RUNX1: variants seen among roughly 807,000 people sequenced by gnomAD.
RUNX1 encodes RUNX family transcription factor 1.
Under a neutral mutation model 42.8 loss-of-function variants are expected in RUNX1, and 19 were observed. The observed-to-expected ratio is 0.44, with a 90% CI of 0.31 to 0.65. RUNX1 has a LOEUF of 0.65. Among genes scored for constraint, RUNX1 ranks in the 30% least tolerant of loss-of-function variants. The pLI is 0.07. For missense variants in RUNX1, 528 were observed against 672.0 expected, an observed-to-expected ratio of 0.79 and a Z score of 2.37; for synonymous variants, 271 against 289.4, an observed-to-expected ratio of 0.94 and a Z score of 0.64.
chr21:34,887,257 G>GGGGGGGGGGGT, intron 3 of RUNX1, 161 bp from the exon 4 acceptor site: 3 of 1,309,544 alleles, frequency 2.3e-6, no homozygotes, highest in Admixed American at 2.9e-5. Context: ...GGGGGCGGGG[G>GGGGGGGGGGGT]TGGTTAGGGG....
chr21:34,828,792 AC>A (rs1407991640), intron 7 of RUNX1, among the ~76,000 whole-genome samples: 1 of 152,064 alleles, frequency 6.6e-6, no homozygotes, highest in Non-Finnish European at 1.5e-5. Context: ...CTGCCCTTCC[AC>A]CTATCTGCCA....
Position 35,016,834 on chromosome 21 carries a change from G to A in RUNX1, c.58+32008C>T, listed in dbSNP as rs180708808. On this transcript the variant is annotated intron_variant, in intron 2 of 8. Transcript: ENST00000675419. The stretch of plus-strand genomic sequence containing the variant: ...TCTACATTAGCCTACTGAAGAGCCT[G>A]TTGTATCAGAATCCGTAGAATCTCT... Among the ~76,000 whole-genome samples the A allele has an allele frequency of 1.2e-3, 183 of 152,142 alleles. 1 individual carries two copies. Among genetic ancestry groups the A allele is most frequent in the African/African-American group, 4.0e-3 (167 of 41,506 alleles).
At chr21:34,947,429 C>T (rs1301781615) in intron 2 of RUNX1, among the ~76,000 whole-genome samples, 1 of 152,174 alleles carries the variant, frequency 6.6e-6, no homozygotes, top group African/African-American at 2.4e-5. Context: ...CACCCACACG[C>T]ACACTCTTAC....
At chr21:34,987,903 A>G (rs545626331) in intron 2 of RUNX1, among the ~76,000 whole-genome samples, 1 of 152,310 alleles carries the variant, frequency 6.6e-6, no homozygotes, top group South Asian at 2.1e-4. Flanking sequence ...AGGCTGATGA[A>G]CAACTCCCAT....
At chr21:34,859,357 G>T in intron 6 of RUNX1, 117 bp downstream of exon 6, 1 of 875,812 alleles carries the variant, frequency 1.1e-6, no homozygotes, top group Non-Finnish European at 1.9e-6. Context: ...ACGGGGGCCT[G>T]ACATCCCCCT....
intron 2 of RUNX1, among the ~76,000 whole-genome samples, chr21:34,902,656 C>G (rs1187987612): frequency 3.9e-5 from 6 of 152,038 alleles, no homozygotes; most frequent in African/African-American, 2.4e-5. Flanking sequence ...AACATGAACC[C>G]CAATATATTT....
chr21:34,961,382 A>G (rs765857430), intron 2 of RUNX1, among the ~76,000 whole-genome samples: 43 of 151,882 alleles, frequency 2.8e-4, no homozygotes, highest in Non-Finnish European at 4.6e-4. Context: ...TAATGATAAT[A>G]ATAATAATAA....
chr21:34,823,377 T>G (rs16992395), intron 7 of RUNX1, among the ~76,000 whole-genome samples: 9,352 of 149,446 alleles, frequency 0.063, 843 homozygotes, highest in African/African-American at 0.2. Context: ...GTTCAGATTG[T>G]GTGGAAGAAC....
chr21:34,964,320 C>G (rs2058702661), intron 2 of RUNX1, among the ~76,000 whole-genome samples: 1 of 151,912 alleles, frequency 6.6e-6, no homozygotes, highest in African/African-American at 2.4e-5. Context: ...AACCCCATCT[C>G]TACTAAAAAT....
At chr21:34,980,072 C>T (rs1192366701) in intron 2 of RUNX1, among the ~76,000 whole-genome samples, 3 of 152,352 alleles carry the variant, frequency 2.0e-5, no homozygotes, top group African/African-American at 4.8e-5. Context: ...ATACATAAAG[C>T]GCTTATGTAT....
chr21:34,952,845 G>C (rs1240322717), intron 2 of RUNX1, among the ~76,000 whole-genome samples: 1 of 152,104 alleles, frequency 6.6e-6, no homozygotes, highest in African/African-American at 2.4e-5. Flanking sequence ...CACACCAGGA[G>C]GTATGTAGGT....
rs183183892 is a variant in RUNX1, at chr21:35,034,501, G to A, written c.58+14341C>T. Among the ~76,000 whole-genome samples, 71 of 152,250 alleles carry A rather than the reference G, an allele frequency of 4.7e-4. 2 individuals are homozygous for A. Among genetic ancestry groups the A allele is most frequent in the South Asian group, 1.9e-3 (9 of 4,818 alleles). ...TTGTGGGAAGCAGCAACAGTACCTC[G>A]GTTCCTAAGGTCTTTCTGGAGCTGT... On this transcript the variant is annotated intron_variant, in intron 2 of 8. Transcript: ENST00000675419.
At chr21:34,976,830 G>A (rs1468451622) in intron 2 of RUNX1, among the ~76,000 whole-genome samples, 1 of 151,702 alleles carries the variant, frequency 6.6e-6, no homozygotes, top group Non-Finnish European at 1.5e-5. Context: ...TTTTTGCTAC[G>A]CATTCTGCTA....
At chr21:35,003,175 A>G (rs1048331763) in intron 2 of RUNX1, among the ~76,000 whole-genome samples, 1 of 152,190 alleles carries the variant, frequency 6.6e-6, no homozygotes, top group Non-Finnish European at 1.5e-5. Flanking sequence ...ATCATTTCCC[A>G]GTCTGAAAAA....
chr21:35,000,245 T>C (rs2059030734), intron 2 of RUNX1, among the ~76,000 whole-genome samples: 1 of 144,742 alleles, frequency 6.9e-6, no homozygotes, highest in African/African-American at 2.6e-5. Context: ...TCTTTTTTTT[T>C]TTTTTTTTTT....
At chr21:34,876,468 G>A (rs1172614225) in intron 5 of RUNX1, among the ~76,000 whole-genome samples, 2 of 152,106 alleles carry the variant, frequency 1.3e-5, no homozygotes, top group Admixed American at 6.6e-5. Flanking sequence ...ACAAATTTTT[G>A]GCCTAGGGTC....
At position 34,789,758 on chromosome 21, in the gene RUNX1, C is replaced by A. The variant is rs1462936358; in HGVS notation, c.*2377G>T. The A allele has an allele frequency of 4.3e-6, 1 of 233,034 alleles. No homozygotes were observed. Among genetic ancestry groups the A allele is most frequent in the East Asian group, 6.0e-5 (1 of 16,584 alleles). 14.4% of individuals were successfully genotyped at this position (233,034 alleles called of 1,614,324 possible). A position where few individuals can be genotyped will look rare whatever the true frequency, so the allele number is the denominator to read the frequency against. Reference sequence around the variant, plus strand: ...CCAGTGAGCCTACAATAGTGACAAGCCCCCTCCACACATGGCTTTGAGAGT... The same window carrying A: ...CCAGTGAGCCTACAATAGTGACAAGACCCCTCCACACATGGCTTTGAGAGT... On this transcript the variant is annotated 3_prime_UTR_variant, in exon 9 of 9. Transcript: ENST00000675419.
rs868014298 is a variant in RUNX1, at chr21:34,791,844, C to G, written c.*291G>C. ...CTCCGGGAATCTTCCTGTTTGCTTT[C>G]CAGCGCGTCCCCTGGGTGCTGGGGC... On this transcript the variant is annotated 3_prime_UTR_variant, in exon 9 of 9. Transcript: ENST00000675419. 1 of 242,944 alleles carries G rather than the reference C, an allele frequency of 4.1e-6. No individual in the cohort carries two copies. The highest frequency in any genetic ancestry group is 2.2e-5 in the African/African-American group (1 of 44,892). 15.0% of individuals were successfully genotyped at this position (242,944 alleles called of 1,614,324 possible). A position where few individuals can be genotyped will look rare whatever the true frequency, so the allele number is the denominator to read the frequency against.
chr21:35,023,502 T>A (rs2059214137), intron 2 of RUNX1, among the ~76,000 whole-genome samples: 1 of 152,214 alleles, frequency 6.6e-6, no homozygotes, highest in South Asian at 2.1e-4. Flanking sequence ...GGCAGGGGGC[T>A]GGACTGTGGA....
Sources: gnomAD v4.1 joint callset for allele counts (sites outside exome capture counted in the v4.1 genomes callset) on GRCh38, gnomAD v4.1.1 for gene constraint, MANE v1.5 for transcripts, NCBI Gene and HGNC (gene_info 2026-07-23, HGNC 2026-07-21) for gene names.